Variants in GLB1 observed in about 807,000 individuals in gnomAD.
The protein encoded by GLB1 is galactosidase beta 1.
Under a neutral mutation model 74.0 loss-of-function variants are expected in GLB1, and 56 were observed. That is an observed-to-expected ratio of 0.76 (90% confidence interval 0.61 to 0.94). The LOEUF (loss-of-function observed/expected upper bound fraction) is 0.94. GLB1 is among the 40% of genes least tolerant of loss of function. The probability of loss-of-function intolerance (pLI) is 0.00; values close to 1 mark genes in which losing one functional copy is unlikely to be tolerated. For missense variants in GLB1, 787 were observed against 845.5 expected (o/e 0.93, Z 0.86); for synonymous variants, 323 against 323.6 (o/e 1.00, Z 0.02).
chr3:33,060,454 T>C (rs1385039843), intron 5 of GLB1, among the ~76,000 whole-genome samples: 3 of 152,226 alleles, frequency 2.0e-5, no homozygotes, highest in Non-Finnish European at 4.4e-5. Context: ...GCTACTTACA[T>C]GACTGTGTCT....
chr3:33,015,466 C>A (rs959888632), intron 14 of GLB1, among the ~76,000 whole-genome samples: 2 of 152,218 alleles, frequency 1.3e-5, no homozygotes, highest in Non-Finnish European at 2.9e-5. Context: ...TGTCAAGGCT[C>A]AGCTAACTTC....
intron 12 of GLB1, 115 bp from the exon 13 acceptor site, chr3:33,018,676 T>A (rs1697345204): frequency 9.0e-7 from 1 of 1,110,878 alleles, no homozygotes; most frequent in East Asian, 2.6e-5. Flanking sequence ...AATGAAAATC[T>A]TCCTCCACCT....
chr3:32,995,909 C>T (rs189421059), downstream of GLB1, among the ~76,000 whole-genome samples: 274 of 150,652 alleles, frequency 1.8e-3, 1 homozygote, highest in African/African-American at 6.3e-3. Flanking sequence ...TAAGAAAAAG[C>T]AAGCAATCTC....
intron 15 of GLB1, among the ~76,000 whole-genome samples, chr3:33,009,726 T>G (rs1696944077): frequency 1.3e-5 from 2 of 152,130 alleles, no homozygotes; most frequent in South Asian, 2.1e-4. Context: ...TCAGAGCATA[T>G]CCATCAGCTC....
At chr3:33,032,088 G>A (rs886716754) in intron 10 of GLB1, among the ~76,000 whole-genome samples, 6 of 152,108 alleles carry the variant, frequency 3.9e-5, no homozygotes, top group African/African-American at 1.4e-4. Flanking sequence ...GTGAGCCACT[G>A]AGCCTGGCAA....
At chr3:33,088,054 C>T (rs1700598090) in intron 1 of GLB1, among the ~76,000 whole-genome samples, 2 of 152,096 alleles carry the variant, frequency 1.3e-5, no homozygotes, top group African/African-American at 2.4e-5. Flanking sequence ...CAAGATTCAA[C>T]ACCCTTTCAT....
In GLB1 at chr3:33,034,592, AAT is replaced by A. The variant is rs941336829; in HGVS notation, c.1069-10269_1069-10268del. The stretch of plus-strand genomic sequence containing the variant: ...CTGGACCTGTGATGATGCCTTGGGA[AAT>A]ATATGGTCTCCCAAATTGCTGCACA... On this transcript the variant is annotated intron_variant, in intron 10 of 15. Coordinates refer to ENST00000307363, the MANE Select transcript of GLB1 (RefSeq NM_000404.4). The A allele has an allele frequency of 4.9e-5, 35 of 718,218 alleles. No homozygotes were observed. The African/African-American group carries it at 5.2e-4, about 11-fold the overall frequency. 44.5% of individuals were successfully genotyped at this position (718,218 alleles called of 1,614,324 possible).
rs1249037385 is a variant in GLB1 at position 33,093,039 on chromosome 3, A to G, written c.75+3972T>C. ...AGCATGTGTGTGCCCAGAAAGGATC[A>G]GGTTAATATCTGGCCGAGCCTGGAG... is the stretch of plus-strand genomic sequence containing the variant. On this transcript the variant is annotated intron_variant, in intron 1 of 15. Transcript: ENST00000307363. This position sits in a 1 kb window ranked among gnomAD's most constrained non-coding sequence, Gnocchi z 6.0. The G allele has an allele frequency of 1.2e-6, 2 of 1,614,124 alleles. No homozygotes were observed. The highest frequency in any genetic ancestry group is 1.7e-6 in the Non-Finnish European group (2 of 1,180,036).
intron 10 of GLB1, among the ~76,000 whole-genome samples, chr3:33,041,360 T>G (rs4679076): frequency 2.0e-5 from 3 of 152,288 alleles, no homozygotes; most frequent in Admixed American, 1.3e-4. Context: ...AACTATCAGT[T>G]TAGAAAAACT....
chr3:32,994,035 A>G (rs1043767682), downstream of GLB1, among the ~76,000 whole-genome samples: 3 of 152,228 alleles, frequency 2.0e-5, no homozygotes, highest in African/African-American at 7.2e-5. Context: ...AAACAGTTCA[A>G]TATAAATTAC....
rs1301956348 is a variant in GLB1, at chr3:33,021,597, A to C, written c.1202T>G (p.Leu401Arg). 7 of 1,614,094 alleles carry C rather than the reference A, an allele frequency of 4.3e-6. No homozygotes were observed. Among genetic ancestry groups the C allele is most frequent in the Non-Finnish European group, 2.5e-6 (3 of 1,180,000 alleles). Residue 401 changes from leucine (L) to arginine (R), a missense_variant, in exon 12 of 16, where the codon CTT (leucine) becomes CGT (arginine). Physicochemically the swap from Leu to Arg is moderately radical, Grantham distance 102 (BLOSUM62 -2). Coordinates refer to ENST00000307363, the MANE Select transcript of GLB1 (RefSeq NM_000404.4). Reference protein sequence around the residue: ...ILCPSGPIKSLYPLTFIQVKQ... With the variant: ...ILCPSGPIKSRYPLTFIQVKQ... Reference sequence around the variant, plus strand: ...CACCTGGATAAATGTCAAGGGATAAAGGCTTTTGATGGGCCCAGAGGGACA... The same window carrying C: ...CACCTGGATAAATGTCAAGGGATAACGGCTTTTGATGGGCCCAGAGGGACA...
the GLB1 span, among the ~76,000 whole-genome samples, chr3:32,990,309 A>G: frequency 1.2e-3 from 185 of 152,262 alleles, 1 homozygote; most frequent in African/African-American, 4.4e-3. Flanking sequence ...CTCCACATCA[A>G]GTCTAAGACT....
chr3:33,096,863 C>T, intron 1 of GLB1, 148 bp downstream of exon 1: 1 of 1,417,938 alleles, frequency 7.1e-7, no homozygotes, highest in South Asian at 1.5e-5. Context: ...CCACTGCCTG[C>T]GTTCCGCCGG....
At chr3:33,077,426 C>A in intron 1 of GLB1, 1 of 920,256 alleles carries the variant, frequency 1.1e-6, no homozygotes, top group South Asian at 1.3e-5. Context: ...CACACCTGCT[C>A]AGTTGGAAAT....
intron 12 of GLB1, 83 bp from the exon 13 acceptor site, chr3:33,018,644 C>G: frequency 7.1e-7 from 1 of 1,405,796 alleles, no homozygotes; most frequent in South Asian, 1.2e-5. Flanking sequence ...TGTATGAAAG[C>G]GATGTTTCTC....
intron 15 of GLB1, among the ~76,000 whole-genome samples, chr3:33,002,400 C>T (rs187353549): frequency 1.6e-5 from 2 of 128,180 alleles, no homozygotes; most frequent in East Asian, 2.7e-4. Context: ...CAGGGTCTCA[C>T]GCTGTCATTC....
At chr3:32,961,224 C>T in the GLB1 span, among the ~76,000 whole-genome samples, 5 of 152,226 alleles carry the variant, frequency 3.3e-5, no homozygotes, top group Non-Finnish European at 5.9e-5. Flanking sequence ...AATTTTAAAA[C>T]CCCCAAACTC....
At position 33,037,196 on chromosome 3, in the gene GLB1, C is replaced by T. The variant is rs144233648; in HGVS notation, c.1068+8924G>A. The stretch of plus-strand genomic sequence containing the variant: ...GAGTAGCTGGAATTACAGGTGTGCG[C>T]CACCATGCCAGCCTAATTTTTGTAT... On this transcript the variant is annotated intron_variant, in intron 10 of 15. Transcript: ENST00000307363. Among the ~76,000 whole-genome samples the T allele has an allele frequency of 1.0e-2, 1,516 of 152,054 alleles. 34 individuals carry two copies. The highest frequency in any genetic ancestry group is 0.035 in the African/African-American group (1,430 of 41,412).
chr3:33,017,065 T>C (rs762856677), intron 13 of GLB1, among the ~76,000 whole-genome samples: 13 of 152,248 alleles, frequency 8.5e-5, no homozygotes, highest in Non-Finnish European at 1.6e-4. Context: ...GCTCAGAGCA[T>C]GGAACGGTCT....
Sources: gnomAD v4.1 joint callset for allele counts (sites outside exome capture counted in the v4.1 genomes callset) on GRCh38, gnomAD v4.1.1 for gene constraint, Gnocchi (gnomAD v3.1) non-coding constraint, MANE v1.5 for transcripts, NCBI Gene and HGNC (gene_info 2026-07-23, HGNC 2026-07-21) for gene names.